The following INVS variants were observed in gnomAD, a reference collection of about 807,000 sequenced individuals.
INVS encodes the protein inversion of embryo turning homolog.
A neutral mutation model predicts 108.8 loss-of-function variants in INVS; 86 were observed. The ratio of observed to expected loss-of-function variants is 0.79; its 90% CI spans 0.66 to 0.95. The LOEUF is 0.95. Among genes scored for constraint, INVS ranks in the 40% least tolerant of loss-of-function variants. INVS has a pLI of 0.00. For synonymous variants in INVS, 455 were observed against 473.5 expected (o/e 0.96, Z 0.51); for missense variants, 1,169 against 1,297.4 (o/e 0.90, Z 1.52).
chr9:100,249,826 C>T (rs184523669), intron 8 of INVS, among the ~76,000 whole-genome samples: 44 of 150,618 alleles, frequency 2.9e-4, no homozygotes, highest in Admixed American at 2.6e-3. Context: ...AACCTTAGGC[C>T]GAGCGTGGTA....
chr9:100,278,603 C>G (rs904072336), intron 12 of INVS, among the ~76,000 whole-genome samples: 4 of 152,178 alleles, frequency 2.6e-5, no homozygotes, highest in African/African-American at 9.7e-5. Flanking sequence ...AATAAATGTT[C>G]AGTAAATTCC....
chr9:100,138,104 T>A (rs911307421), intron 3 of INVS, among the ~76,000 whole-genome samples: 16 of 152,246 alleles, frequency 1.1e-4, no homozygotes, highest in Middle Eastern at 3.4e-3. Context: ...ACTTTCTTTT[T>A]AAAATATATG....
chr9:100,149,863 G>A (rs1165033388), intron 3 of INVS, among the ~76,000 whole-genome samples: 6 of 152,094 alleles, frequency 3.9e-5, no homozygotes, highest in African/African-American at 9.7e-5. Flanking sequence ...TGTGTTTTCT[G>A]TATACATAAA....
At chr9:100,214,194 CAGAGGAGAAAGT>C (rs1176176831) in intron 3 of INVS, among the ~76,000 whole-genome samples, 1 of 152,136 alleles carries the variant, frequency 6.6e-6, no homozygotes, top group Non-Finnish European at 1.5e-5. Context: ...GAATAAGCCC[CAGAGGAGAAAGT>C]AGATCTTACT....
intron 11 of INVS, among the ~76,000 whole-genome samples, chr9:100,265,261 TA>T (rs560968561): frequency 6.6e-6 from 1 of 151,998 alleles, no homozygotes; most frequent in Non-Finnish European, 1.5e-5. Context: ...GACTTTTTTT[TA>T]AAAAAAGTGC....
intron 3 of INVS, among the ~76,000 whole-genome samples, chr9:100,136,176 G>A (rs180734887): frequency 6.6e-6 from 1 of 152,286 alleles, no homozygotes; most frequent in East Asian, 1.9e-4. Flanking sequence ...ACACAAGCTA[G>A]ATATATATCA....
chr9:100,249,401 A>AT (rs1588121013), intron 8 of INVS, among the ~76,000 whole-genome samples: 1 of 152,186 alleles, frequency 6.6e-6, no homozygotes, highest in Non-Finnish European at 1.5e-5. Context: ...TCAATGTCAA[A>AT]TTTTTTTAAA....
At chr9:100,188,273 T>G (rs1238915033) in intron 3 of INVS, among the ~76,000 whole-genome samples, 1 of 152,224 alleles carries the variant, frequency 6.6e-6, no homozygotes, top group Admixed American at 6.5e-5. Flanking sequence ...CAGGGAATGC[T>G]TTCTAATTTT....
intron 11 of INVS, among the ~76,000 whole-genome samples, chr9:100,270,431 C>T (rs551324379): frequency 4.8e-4 from 73 of 151,508 alleles, no homozygotes; most frequent in African/African-American, 1.7e-3. Flanking sequence ...GAGAACATGG[C>T]GAAATCCCAT....
At chr9:100,239,944 G>A in intron 5 of INVS, 116 bp from the exon 6 acceptor site, 1 of 932,338 alleles carries the variant, frequency 1.1e-6, no homozygotes, top group Admixed American at 1.9e-5. Flanking sequence ...ACTCCAACCT[G>A]GGTGACAGAA....
chr9:100,115,536 T>A (rs1187494634), intron 2 of INVS, among the ~76,000 whole-genome samples: 1 of 152,160 alleles, frequency 6.6e-6, no homozygotes, highest in Non-Finnish European at 1.5e-5. Context: ...TTCCCACCTA[T>A]GAGTGAGAAC....
chr9:100,207,294 GTTTA>G (rs1001547505), intron 3 of INVS, among the ~76,000 whole-genome samples: 11 of 151,822 alleles, frequency 7.2e-5, no homozygotes, highest in African/African-American at 1.4e-4. Context: ...TTTATTTTTT[GTTTA>G]TTTATTTATT....
In INVS at chr9:100,267,019, T is replaced by TAAAA. The variant is rs11415703; in HGVS notation, c.1571+2112_1571+2115dup. ...CTGAAGATGTCTCCCTTTGAAACTC[T>TAAAA]AAAAAAAAAAAAAAAAAAAAAAAAG... is the stretch of plus-strand genomic sequence containing the variant. On this transcript the variant is annotated intron_variant, in intron 11 of 16. Transcript: ENST00000262457. Among the ~76,000 whole-genome samples the TAAAA allele has an allele frequency of 2.6e-4, 24 of 93,108 alleles. 1 individual carries two copies. The highest frequency in any genetic ancestry group is 7.4e-4 in the East Asian group (2 of 2,692). The allele number at this position is 93,108 out of a possible 152,430, so 61.1% of individuals were successfully genotyped here.
At chr9:100,197,276 T>C (rs1471024994) in intron 3 of INVS, among the ~76,000 whole-genome samples, 1 of 152,142 alleles carries the variant, frequency 6.6e-6, no homozygotes. Context: ...AAACAGCTGG[T>C]TGAAGAGATA....
At chr9:100,279,434 T>G (rs995375843) in intron 12 of INVS, among the ~76,000 whole-genome samples, 2 of 152,196 alleles carry the variant, frequency 1.3e-5, no homozygotes, top group African/African-American at 2.4e-5. Flanking sequence ...TGAATAACCA[T>G]CTGTATCATT....
At position 100,220,774 on chromosome 9, in the gene INVS, A is replaced by G. The variant is rs574525554; in HGVS notation, c.274-5288A>G. On this transcript the variant is annotated intron_variant, in intron 3 of 16. Coordinates refer to ENST00000262457, the MANE Select transcript of INVS (RefSeq NM_014425.5). The stretch of plus-strand genomic sequence containing the variant: ...CACTTTGGGAGGCTGAGGCAGGCGG[A>G]TCACCTGAGGTCAGGAGTTTGAGAC... 2.6e-5 allele frequency among the ~76,000 whole-genome samples: 4 copies of G among 152,286 alleles called. No individual in the cohort carries two copies. The East Asian group carries it at 7.7e-4, about 29-fold the overall frequency.
At chr9:100,183,663 C>T (rs143628404) in intron 3 of INVS, among the ~76,000 whole-genome samples, 1 of 151,582 alleles carries the variant, frequency 6.6e-6, no homozygotes, top group Non-Finnish European at 1.5e-5. Context: ...TGTGGTGATG[C>T]GCCTGTAGTC....
At chr9:100,132,395 T>A (rs1828081120) in intron 3 of INVS, among the ~76,000 whole-genome samples, 4 of 152,216 alleles carry the variant, frequency 2.6e-5, no homozygotes, top group Admixed American at 2.6e-4. Flanking sequence ...GCAATCAGGA[T>A]TTTTTAAGAT....
At chr9:100,253,167 C>T in intron 10 of INVS, 31 bp downstream of exon 10, 1 of 1,523,120 alleles carries the variant, frequency 6.6e-7, no homozygotes, top group South Asian at 1.1e-5. Flanking sequence ...ATATTGTTTG[C>T]TCCAAAGAAT....
Sources: gnomAD v4.1 joint callset for allele counts (sites outside exome capture counted in the v4.1 genomes callset) on GRCh38, gnomAD v4.1.1 for gene constraint, MANE v1.5 for transcripts, NCBI Gene and HGNC (gene_info 2026-07-23, HGNC 2026-07-21) for gene names.